Variants in DTX1 observed in about 807,000 individuals in gnomAD.
DTX1 encodes the protein deltex E3 ubiquitin ligase 1.
Under a neutral mutation model 57.8 loss-of-function variants are expected in DTX1, and 26 were observed. That is an observed-to-expected ratio of 0.45 (90% CI 0.33 to 0.62). The LOEUF is 0.62. Ranked by LOEUF, DTX1 falls within the 20% of genes least tolerant of loss-of-function variation. The pLI is 0.02. For synonymous variants in DTX1, 398 were observed against 394.1 expected, an observed-to-expected ratio of 1.01 and a Z score of -0.12; for missense variants, 704 against 895.3, an observed-to-expected ratio of 0.79 and a Z score of 2.73.
At position 113,094,873 on chromosome 12, in the gene DTX1, G is replaced by C. The variant is rs775359324; in HGVS notation, c.1312G>C (p.Val438Leu). 1.2e-6 allele frequency: 2 copies of C among 1,613,734 alleles called. No homozygotes were observed. Among genetic ancestry groups the C allele is most frequent in the Non-Finnish European group, 8.5e-7 (1 of 1,180,010 alleles). Residue 438 changes from valine to leucine, a missense_variant, in exon 7 of 10, where the codon GTG becomes CTG. Coordinates refer to ENST00000548759, the MANE Select transcript of DTX1 (RefSeq NM_004416.3). ...GCACAAGGGCGTGCGGCCTGAGCTC[G>C]TGGGCCGCCTGGGCCGCTGTGGCCA... ...LRHKGVRPEL[V>L]GRLGRCGHMY... is the part of the protein sequence containing the mutation.
intron 2 of DTX1, among the ~76,000 whole-genome samples, chr12:113,072,245 T>C (rs2044742363): frequency 6.6e-6 from 1 of 152,220 alleles, no homozygotes; most frequent in African/African-American, 2.4e-5. Flanking sequence ...GCTCCAAACA[T>C]AGTTGCATAT....
chr12:113,071,645 CGGA>C (rs1433293648), intron 2 of DTX1, among the ~76,000 whole-genome samples: 1 of 152,230 alleles, frequency 6.6e-6, no homozygotes, highest in Non-Finnish European at 1.5e-5. Flanking sequence ...ATGGCCACTG[CGGA>C]GGAGAAGGAG....
chr12:113,083,576 TC>T (rs1402186827), intron 3 of DTX1, among the ~76,000 whole-genome samples: 1 of 152,212 alleles, frequency 6.6e-6, no homozygotes, highest in Non-Finnish European at 1.5e-5. Context: ...TCCACCCACC[TC>T]GGCCTCCCGA....
chr12:113,060,539 G>A (rs542322333), intron 2 of DTX1, among the ~76,000 whole-genome samples: 7 of 152,306 alleles, frequency 4.6e-5, no homozygotes, highest in Admixed American at 1.3e-4. Context: ...GGGTAGGAAG[G>A]GGCAGAGGAC....
At chr12:113,091,340 CTGTG>C (rs779478688) in intron 3 of DTX1, among the ~76,000 whole-genome samples, 1 of 149,954 alleles carries the variant, frequency 6.7e-6, no homozygotes, top group Non-Finnish European at 1.5e-5. Context: ...TGAAGTGTGC[CTGTG>C]TGTATCCATG....
chr12:113,086,181 T>C (rs2044855590), intron 3 of DTX1, among the ~76,000 whole-genome samples: 1 of 149,434 alleles, frequency 6.7e-6, no homozygotes, highest in African/African-American at 2.5e-5. Context: ...GGTGGGAGGA[T>C]CCCTTGAGCC....
Position 113,077,021 on chromosome 12 carries a change from G to A in DTX1, c.260-403G>A, listed in dbSNP as rs958685911. ...TGTCTGTCTTGGCCCTGGAGAGGTG[G>A]AGGGTGGGGGAGCCCTCCACACCTT... On this transcript the variant is annotated intron_variant, in intron 2 of 9. Coordinates refer to ENST00000548759, the MANE Select transcript of DTX1 (RefSeq NM_004416.3). This position sits in a 1 kb window ranked among gnomAD's most constrained non-coding sequence, Gnocchi z 7.8. 1.3e-5 allele frequency among the ~76,000 whole-genome samples: 2 copies of A among 151,984 alleles called. No individual in the cohort carries two copies. Among genetic ancestry groups the A allele is most frequent in the African/African-American group, 4.8e-5 (2 of 41,372 alleles).
Position 113,094,086 on chromosome 12 carries a change from A to T in DTX1, c.1214A>T (p.Asn405Ile), listed in dbSNP as rs1251913931. ...CGAAGATACATGCAGAAGGTGAAAAACCCACCTGATGAGGTGAGGAGGGGA... is the reference window on the plus strand; with the variant it reads ...CGAAGATACATGCAGAAGGTGAAAATCCCACCTGATGAGGTGAGGAGGGGA... ...VVRRYMQKVK[N>I]PPDEDCTICM... The change falls in exon 6 of 10, where the codon AAC becomes ATC. Residue 405 changes from asparagine to isoleucine, a missense_variant. Physicochemically the swap from Asn to Ile is moderately radical, Grantham distance 149. Coordinates refer to ENST00000548759, the MANE Select transcript of DTX1 (RefSeq NM_004416.3). 4.9e-6 allele frequency: 5 copies of T among 1,015,384 alleles called. No individual in the cohort carries two copies. Among genetic ancestry groups the T allele is most frequent in the Non-Finnish European group, 7.0e-6 (5 of 712,652 alleles). 62.9% of individuals were successfully genotyped at this position (1,015,384 alleles called of 1,614,324 possible).
intron 2 of DTX1, among the ~76,000 whole-genome samples, chr12:113,070,728 A>C (rs2044732764): frequency 6.6e-6 from 1 of 152,214 alleles, no homozygotes; most frequent in African/African-American, 2.4e-5. Context: ...CATCGCTGGA[A>C]GTATCCTAGG....
chr12:113,069,004 T>C (rs2044722549), intron 2 of DTX1, among the ~76,000 whole-genome samples: 1 of 152,236 alleles, frequency 6.6e-6, no homozygotes, highest in Non-Finnish European at 1.5e-5. Flanking sequence ...GTGATCGTAA[T>C]AGTTATCATT....
Position 113,087,999 on chromosome 12 carries a change from G to A in DTX1, c.942-5163G>A, listed in dbSNP as rs1592852925. ...ATCTACCCTGCCCAGGCCTGAGCCA[G>A]CTCCAGGATCCAGGTCAAAGACTTC... On this transcript the variant is annotated intron_variant, in intron 3 of 9. Transcript: ENST00000548759. 2.0e-5 allele frequency among the ~76,000 whole-genome samples: 3 copies of A among 152,338 alleles called. No individual in the cohort carries two copies. The East Asian group carries it at 5.8e-4, about 29-fold the overall frequency.
chr12:113,088,493 A>G (rs1228559063), intron 3 of DTX1, among the ~76,000 whole-genome samples: 2 of 152,240 alleles, frequency 1.3e-5, no homozygotes, highest in African/African-American at 2.4e-5. Context: ...TAACATTAGG[A>G]GATATATCTA....
At chr12:113,066,527 C>CA (rs76083573) in intron 2 of DTX1, among the ~76,000 whole-genome samples, 7,807 of 120,300 alleles carry the variant, frequency 0.065, 659 homozygotes, top group African/African-American at 0.21. Context: ...GACTCCGTCT[C>CA]AAAAAAAAAA....
chr12:113,087,593 T>TG (rs1330339227), intron 3 of DTX1, among the ~76,000 whole-genome samples: 1 of 151,106 alleles, frequency 6.6e-6, no homozygotes, highest in Non-Finnish European at 1.5e-5. Flanking sequence ...AGGGAGAGGG[T>TG]GGGGGGTCCC....
chr12:113,089,662 G>A (rs1280213335), intron 3 of DTX1, among the ~76,000 whole-genome samples: 1 of 152,186 alleles, frequency 6.6e-6, no homozygotes, highest in Non-Finnish European at 1.5e-5. Flanking sequence ...TCTCGCAGGA[G>A]GCCTGCAGTT....
chr12:113,078,088 C>A lies in DTX1; in HGVS notation c.924C>A (p.Arg308=). 2 of 1,398,896 alleles carry A rather than the reference C, an allele frequency of 1.4e-6. No homozygotes were observed. Among genetic ancestry groups the A allele is most frequent in the Non-Finnish European group, 1.9e-6 (2 of 1,076,114 alleles). The allele number at this position is 1,398,896 out of a possible 1,614,324, so 86.7% of individuals were successfully genotyped here. Residue 308 remains arginine (R), a synonymous_variant, in exon 3 of 10, where the codon CGC becomes CGA. Transcript: ENST00000548759. ...AGCGCACCACCAGCGTGAGCGCGCG[C>A]GCCTCCATCCCGCCGGGGTAAGACG... ...GPQRTTSVSA[R]ASIPPGVPAL...
chr12:113,057,818 G>T lies in DTX1; in HGVS notation c.-375G>T. ...TGGGTGACAGGCCCTGTCTGGCGGG[G>T]AAGAGGGACCAAGAGACAACACGGA... On this transcript the variant is annotated 5_prime_UTR_variant, in exon 2 of 10. Coordinates refer to ENST00000548759, the MANE Select transcript of DTX1 (RefSeq NM_004416.3). 1 of 215,968 alleles carries T rather than the reference G, an allele frequency of 4.6e-6. No individual in the cohort carries two copies. 13.4% of individuals were successfully genotyped at this position (215,968 alleles called of 1,614,324 possible). A position where few individuals can be genotyped will look rare whatever the true frequency, so the allele number is the denominator to read the frequency against.
intron 3 of DTX1, among the ~76,000 whole-genome samples, chr12:113,091,136 G>A (rs1364200576): frequency 6.6e-6 from 1 of 152,104 alleles, no homozygotes; most frequent in Non-Finnish European, 1.5e-5. Context: ...TAGCAGGTGC[G>A]GTACTGGTCT....
intron 2 of DTX1, among the ~76,000 whole-genome samples, chr12:113,074,857 T>C (rs2044759639): frequency 6.6e-6 from 1 of 152,130 alleles, no homozygotes; most frequent in Non-Finnish European, 1.5e-5. Context: ...AAGTCAAGGA[T>C]GAGACCAAGA....
Sources: gnomAD v4.1 joint callset for allele counts (sites outside exome capture counted in the v4.1 genomes callset) on GRCh38, gnomAD v4.1.1 for gene constraint, Gnocchi (gnomAD v3.1) non-coding constraint, MANE v1.5 for transcripts, NCBI Gene and HGNC (gene_info 2026-07-23, HGNC 2026-07-21) for gene names.